Variants in ACYP2 observed in about 807,000 individuals in gnomAD.
ACYP2 encodes the protein acylphosphatase-2.
A neutral mutation model predicts 11.2 loss-of-function variants in ACYP2; 12 were observed. The observed-to-expected ratio is 1.08, with a 90% confidence interval of 0.69 to 1.74. ACYP2 has a LOEUF of 1.74. Ranked by LOEUF, ACYP2 falls within the 40% of genes most tolerant of loss-of-function variation. The probability of loss-of-function intolerance (pLI) is 0.00; values close to 1 mark genes in which losing one functional copy is unlikely to be tolerated. For missense variants in ACYP2, 134 were observed against 101.9 expected (o/e 1.31, Z -1.35); for synonymous variants, 43 against 32.2 (o/e 1.33, Z -1.13).
intron 6 of ACYP2, among the ~76,000 whole-genome samples, chr2:54,247,258 TCCTC>T (rs968930359): frequency 9.2e-5 from 14 of 152,298 alleles, no homozygotes; most frequent in Non-Finnish European, 1.5e-4. Context: ...TGTGCATTCT[TCCTC>T]CAGCCTGCCA....
At chr2:54,219,856 G>GGTGT (rs1366261046) in intron 6 of ACYP2, among the ~76,000 whole-genome samples, 480 of 15,782 alleles carry the variant, frequency 0.03, no homozygotes, top group Non-Finnish European at 0.038. Flanking sequence ...TGTGTATATA[G>GGTGT]ATGTGTGTGT....
chr2:53,990,257 G>A (rs776285832), intron 2 of ACYP2, among the ~76,000 whole-genome samples: 46 of 152,026 alleles, frequency 3.0e-4, no homozygotes, highest in Non-Finnish European at 5.3e-4. Flanking sequence ...GTGATTACAG[G>A]CATGAGCCAC....
chr2:54,160,050 C>G (rs886380780), intron 6 of ACYP2, among the ~76,000 whole-genome samples: 61 of 152,294 alleles, frequency 4.0e-4, no homozygotes, highest in African/African-American at 1.4e-3. Context: ...CCACCTCCCC[C>G]TCAAGAGAAT....
At chr2:54,072,472 C>T (rs76583758) in intron 4 of ACYP2, among the ~76,000 whole-genome samples, 19 of 109,424 alleles carry the variant, frequency 1.7e-4, no homozygotes, top group Middle Eastern at 4.6e-3. Context: ...CTTTCTTTTT[C>T]TTTCTTTCTT....
In ACYP2 at chr2:53,989,996, T is replaced by C. The variant is rs376596596; in HGVS notation, c.62+16186T>C. Reference sequence around the variant, plus strand: ...CTTTTCTTTTCTTTTTTTTTTTTTTTTGAGATGGAGTCTTGCTCTGTTGCC... The same window carrying C: ...CTTTTCTTTTCTTTTTTTTTTTTTTCTGAGATGGAGTCTTGCTCTGTTGCC... On this transcript the variant is annotated intron_variant, in intron 2 of 6. Coordinates refer to ENST00000607452, the MANE Select transcript of ACYP2 (RefSeq NM_001320586.2). Among the ~76,000 whole-genome samples the C allele has an allele frequency of 4.8e-3, 729 of 151,300 alleles. 7 individuals are homozygous for C. Among genetic ancestry groups the C allele is most frequent in the African/African-American group, 0.017 (690 of 41,322 alleles).
intron 6 of ACYP2, among the ~76,000 whole-genome samples, chr2:54,200,067 A>C (rs934389833): frequency 6.6e-6 from 1 of 152,230 alleles, no homozygotes; most frequent in Non-Finnish European, 1.5e-5. Context: ...TATAGAAAGG[A>C]TATCTTTATA....
At chr2:54,149,163 A>G (rs1471697567) in intron 6 of ACYP2, among the ~76,000 whole-genome samples, 1 of 152,238 alleles carries the variant, frequency 6.6e-6, no homozygotes, top group Non-Finnish European at 1.5e-5. Context: ...ATTTTTTAAA[A>G]TGCAATGACA....
chr2:54,094,214 GTGGGGA>G (rs1442252940), intron 4 of ACYP2, among the ~76,000 whole-genome samples: 1 of 151,212 alleles, frequency 6.6e-6, no homozygotes, highest in Non-Finnish European at 1.5e-5. Context: ...AGAAGACATG[GTGGGGA>G]GAAAAAAAAT....
At chr2:54,078,941 A>T (rs959286) in intron 4 of ACYP2, among the ~76,000 whole-genome samples, 12 of 151,984 alleles carry the variant, frequency 7.9e-5, no homozygotes, top group Non-Finnish European at 2.9e-5. Context: ...TTCATTTTGC[A>T]TCCCACTCCT....
intron 6 of ACYP2, among the ~76,000 whole-genome samples, chr2:54,289,881 C>G (rs1046906606): frequency 6.6e-6 from 1 of 151,960 alleles, no homozygotes; most frequent in Non-Finnish European, 1.5e-5. Context: ...CCGAGAGCCC[C>G]CATCTTCAGG....
chr2:54,014,745 TTTTG>T (rs1179220266), intron 2 of ACYP2, among the ~76,000 whole-genome samples: 1 of 152,118 alleles, frequency 6.6e-6, no homozygotes, highest in African/African-American at 2.4e-5. Flanking sequence ...TTTTTTTCTT[TTTTG>T]TTTCTTTTTA....
chr2:54,304,146 T>TA (rs1689828379), intron 6 of ACYP2, among the ~76,000 whole-genome samples: 1 of 152,146 alleles, frequency 6.6e-6, no homozygotes. Flanking sequence ...TGAGCATTTT[T>TA]TCTTAATATT....
chr2:54,033,322 C>G (rs1674692654), intron 2 of ACYP2, among the ~76,000 whole-genome samples: 1 of 151,762 alleles, frequency 6.6e-6, no homozygotes, highest in African/African-American at 2.4e-5. Flanking sequence ...CTCACCCTTC[C>G]AAGTACTTGG....
intron 4 of ACYP2, among the ~76,000 whole-genome samples, chr2:54,065,224 C>A (rs75833613): frequency 6.6e-6 from 1 of 151,998 alleles, no homozygotes; most frequent in Admixed American, 6.6e-5. Flanking sequence ...CATTTGAAAT[C>A]GTTATTACTG....
chr2:54,283,849 T>C (rs1252578300), intron 6 of ACYP2, among the ~76,000 whole-genome samples: 1 of 152,268 alleles, frequency 6.6e-6, no homozygotes, highest in African/African-American at 2.4e-5. Context: ...GTGCACTGGC[T>C]CACGCCTGTA....
chr2:54,258,103 C>T (rs1322350620), intron 6 of ACYP2, among the ~76,000 whole-genome samples: 1 of 152,176 alleles, frequency 6.6e-6, no homozygotes, highest in Non-Finnish European at 1.5e-5. Flanking sequence ...GATTTCTTCC[C>T]TCTTGGGGTT....
intron 6 of ACYP2, among the ~76,000 whole-genome samples, chr2:54,162,220 A>G (rs373531679): frequency 1.6e-4 from 25 of 152,084 alleles, no homozygotes; most frequent in African/African-American, 5.6e-4. Flanking sequence ...TGTAAGATGG[A>G]CCTCCCTTTA....
At chr2:54,174,962 T>C (rs1298905804) in intron 6 of ACYP2, among the ~76,000 whole-genome samples, 3 of 152,224 alleles carry the variant, frequency 2.0e-5, no homozygotes, top group Admixed American at 6.5e-5. Context: ...CACATCGGTG[T>C]TCATCAAGGA....
At chr2:54,181,344 TA>T in intron 6 of ACYP2, among the ~76,000 whole-genome samples, 1 of 152,134 alleles carries the variant, frequency 6.6e-6, no homozygotes, top group Non-Finnish European at 1.5e-5. Flanking sequence ...TTATGGAAGG[TA>T]GTGTGTTTGA....
Sources: allele counts gnomAD v4.1 joint callset (sites outside exome capture counted in the v4.1 genomes callset), GRCh38; gene constraint gnomAD v4.1.1; transcripts MANE v1.5; gene names NCBI Gene and HGNC (gene_info 2026-07-23, HGNC 2026-07-21).